Variants in RNF212B observed in about 807,000 individuals in gnomAD.
RNF212B encodes ring finger protein 212B.
In RNF212B, 52 loss-of-function variants were observed where a neutral mutation model predicts 55.5. The observed-to-expected ratio is 0.94, with a 90% CI of 0.75 to 1.18. The LOEUF (loss-of-function observed/expected upper bound fraction) is 1.18, where lower values mean the gene tolerates loss of function less well. Among genes scored for constraint, RNF212B ranks in the 50% most tolerant of loss-of-function variants. The pLI is 0.00. For missense variants in RNF212B, 289 were observed against 350.4 expected (o/e 0.82, Z 1.40); for synonymous variants, 99 against 121.4 (o/e 0.82, Z 1.21).
chr14:23,250,996 G>A (rs1437237425), intron 4 of RNF212B, among the ~76,000 whole-genome samples: 1 of 152,166 alleles, frequency 6.6e-6, no homozygotes, highest in African/African-American at 2.4e-5. Flanking sequence ...GGTTTGCCCT[G>A]AGCATTTCCC....
intron 4 of RNF212B, among the ~76,000 whole-genome samples, chr14:23,248,216 C>T (rs1307294080): frequency 6.6e-6 from 1 of 151,830 alleles, no homozygotes; most frequent in Non-Finnish European, 1.5e-5. Flanking sequence ...CAGCCTTGCC[C>T]TCTTGAGCTC....
chr14:23,229,425 G>A (rs547797818), intron 2 of RNF212B, among the ~76,000 whole-genome samples: 11 of 151,626 alleles, frequency 7.3e-5, no homozygotes, highest in Admixed American at 2.0e-4. Flanking sequence ...TGGGTCACAT[G>A]GCAGGATAGT....
chr14:23,186,564 C>T (rs1466475125), intron 1 of RNF212B, among the ~76,000 whole-genome samples: 1 of 151,976 alleles, frequency 6.6e-6, no homozygotes, highest in Non-Finnish European at 1.5e-5. Flanking sequence ...TGGTTAGGCT[C>T]GTCTTGAACT....
chr14:23,196,592 A>G (rs1406715200), intron 2 of RNF212B, among the ~76,000 whole-genome samples: 5 of 152,168 alleles, frequency 3.3e-5, no homozygotes, highest in Admixed American at 6.5e-5. Context: ...GGGCTGCACC[A>G]CCATGCCCAG....
In RNF212B at chr14:23,259,895, T is replaced by A; in HGVS notation, c.356T>A (p.Val119Asp). 1 of 1,521,130 alleles carries A rather than the reference T, an allele frequency of 6.6e-7. No homozygotes were observed. Among genetic ancestry groups the A allele is most frequent in the Non-Finnish European group, 8.8e-7 (1 of 1,132,168 alleles). 94.2% of individuals were successfully genotyped at this position (1,521,130 alleles called of 1,614,324 possible). A position where few individuals can be genotyped will look rare whatever the true frequency, so the allele number is the denominator to read the frequency against. ...CATCTTTTGCCTAGAGAATTGTCAG[T>A]CTTAAGGAAGGAGAATGGAGAACTG... The part of the protein sequence containing the change: ...ALVSQDKELS[V>D]LRKENGELKK... Residue 119 changes from valine to aspartate, a missense_variant, in exon 6 of 15, where the codon GTC (valine) becomes GAC (aspartate). By Grantham distance (152) the Val-to-Asp change is radical. Transcript: ENST00000430154.
chr14:23,258,783 A>G (rs146168753), intron 5 of RNF212B, 119 bp downstream of exon 5: 35 of 456,056 alleles, frequency 7.7e-5, no homozygotes, highest in African/African-American at 3.7e-4. Context: ...TTTGTTTGGG[A>G]AAATCAGGTA....
At chr14:23,201,021 A>G (rs1879236522) in intron 2 of RNF212B, among the ~76,000 whole-genome samples, 1 of 152,252 alleles carries the variant, frequency 6.6e-6, no homozygotes, top group Non-Finnish European at 1.5e-5. Flanking sequence ...TAAATTGTTG[A>G]AAGCTGTCAA....
chr14:23,247,392 C>T (rs1260633634), intron 4 of RNF212B, among the ~76,000 whole-genome samples: 2 of 152,120 alleles, frequency 1.3e-5, no homozygotes, highest in African/African-American at 2.4e-5. Context: ...CTGTACTTAT[C>T]GGCAGGCACT....
chr14:23,219,132 G>A (rs1316699309), intron 2 of RNF212B, among the ~76,000 whole-genome samples: 1 of 152,070 alleles, frequency 6.6e-6, no homozygotes, highest in Non-Finnish European at 1.5e-5. Flanking sequence ...GGCCTTCCCA[G>A]ACAAACAAAA....
At chr14:23,235,879 G>A (rs550522119), upstream of RNF212B, among the ~76,000 whole-genome samples, 15 of 152,196 alleles carry the variant, frequency 9.9e-5, no homozygotes, top group South Asian at 2.1e-4. Context: ...TAATGTAACC[G>A]GCTATAAAAA....
At chr14:23,269,063 G>T in intron 12 of RNF212B, 100 bp downstream of exon 12, 2 of 943,294 alleles carry the variant, frequency 2.1e-6, no homozygotes, top group Non-Finnish European at 3.3e-6. Context: ...CCAGCACTTT[G>T]GGAGGCCGAG....
intron 2 of RNF212B, among the ~76,000 whole-genome samples, chr14:23,212,501 A>G (rs146302602): frequency 0.014 from 2,101 of 152,262 alleles, 55 homozygotes; most frequent in African/African-American, 0.048. Context: ...TAACAGAAAA[A>G]TCAGTTGTAC....
intron 1 of RNF212B, among the ~76,000 whole-genome samples, chr14:23,188,499 C>G (rs1265382621): frequency 6.8e-6 from 1 of 147,472 alleles, no homozygotes; most frequent in African/African-American, 2.5e-5. Context: ...CTCACTCTCA[C>G]TCTGTCACCC....
intron 2 of RNF212B, among the ~76,000 whole-genome samples, chr14:23,227,804 G>C (rs1278733657): frequency 6.6e-6 from 1 of 151,946 alleles, no homozygotes; most frequent in African/African-American, 2.4e-5. Flanking sequence ...TTACTACATT[G>C]GCCAGGCTGA....
At chr14:23,219,428 AAGC>A (rs1881365627) in intron 2 of RNF212B, among the ~76,000 whole-genome samples, 1 of 152,290 alleles carries the variant, frequency 6.6e-6, no homozygotes, top group East Asian at 1.9e-4. Flanking sequence ...AAAAGTTTAA[AAGC>A]AGAGGAAAGA....
chr14:23,225,067 G>A (rs1486360773), intron 2 of RNF212B, among the ~76,000 whole-genome samples: 1 of 151,342 alleles, frequency 6.6e-6, no homozygotes, highest in South Asian at 2.1e-4. Flanking sequence ...AAGACACCTT[G>A]ATGCCACCCC....
chr14:23,185,842 G>A (rs1877538645), intron 1 of RNF212B, among the ~76,000 whole-genome samples: 1 of 152,212 alleles, frequency 6.6e-6, no homozygotes, highest in Admixed American at 6.5e-5. Flanking sequence ...GCTCATGCCT[G>A]TAATTCCAGC....
intron 2 of RNF212B, among the ~76,000 whole-genome samples, chr14:23,197,976 G>A (rs773273390): frequency 6.6e-6 from 1 of 152,132 alleles, no homozygotes; most frequent in Non-Finnish European, 1.5e-5. Context: ...CTTAAGGGCG[G>A]GGGAGATTAC....
At chr14:23,193,994 G>A (rs773467284) in intron 2 of RNF212B, among the ~76,000 whole-genome samples, 24 of 151,930 alleles carry the variant, frequency 1.6e-4, no homozygotes, top group Admixed American at 2.6e-4. Flanking sequence ...GGAGCCTGCC[G>A]CTACGCCTGG....
Sources: allele counts gnomAD v4.1 joint callset (sites outside exome capture counted in the v4.1 genomes callset), GRCh38; gene constraint gnomAD v4.1.1; transcripts MANE v1.5; gene names NCBI Gene and HGNC (gene_info 2026-07-23, HGNC 2026-07-21).